The following MTCL2 variants were observed in gnomAD, a reference collection of about 807,000 sequenced individuals.
MTCL2 encodes microtubule cross-linking factor 2.
chr20:36,819,961 C>T, the MTCL2 span, among the ~76,000 whole-genome samples: 1 of 152,130 alleles, frequency 6.6e-6, no homozygotes, highest in African/African-American at 2.4e-5. Flanking sequence ...CCACAAGAGC[C>T]AGGAGGCAGC....
the MTCL2 span, among the ~76,000 whole-genome samples, chr20:36,825,277 T>C: frequency 2.6e-5 from 4 of 152,278 alleles, no homozygotes; most frequent in Admixed American, 2.0e-4. Context: ...AGTTGTATGA[T>C]ATGGGAATTA....
the MTCL2 span, among the ~76,000 whole-genome samples, chr20:36,862,234 C>G: frequency 6.6e-6 from 1 of 152,214 alleles, no homozygotes; most frequent in Non-Finnish European, 1.5e-5. Context: ...CAGGCCTTTC[C>G]TGGGCAGGGG....
chr20:36,806,089 C>A, the MTCL2 span: 2 of 653,242 alleles, frequency 3.1e-6, no homozygotes, highest in South Asian at 4.0e-5. Context: ...GACATCTATT[C>A]TGCCCCAAAG....
the MTCL2 span, among the ~76,000 whole-genome samples, chr20:36,813,767 A>T: frequency 6.6e-6 from 1 of 150,580 alleles, no homozygotes; most frequent in African/African-American, 2.4e-5. Context: ...AAAAAAAAAA[A>T]AAAAAAAAAG....
At chr20:36,797,558 C>T in the MTCL2 span, 18 of 1,556,882 alleles carry the variant, frequency 1.2e-5, no homozygotes, top group Middle Eastern at 1.7e-4. Flanking sequence ...ACCCAGGGGT[C>T]GGCAGCCTTC....
the MTCL2 span, chr20:36,812,678 C>A: frequency 8.3e-4 from 1,337 of 1,611,018 alleles, 7 homozygotes; most frequent in African/African-American, 0.016. Flanking sequence ...CTACCCAATC[C>A]CATGCTTGCT....
chr20:36,853,521 T>C, the MTCL2 span, among the ~76,000 whole-genome samples: 3 of 152,182 alleles, frequency 2.0e-5, no homozygotes, highest in South Asian at 6.2e-4. Flanking sequence ...AGAAAAGCCA[T>C]TATCTCTTGC....
the MTCL2 span, among the ~76,000 whole-genome samples, chr20:36,823,308 A>G: frequency 6.6e-6 from 1 of 152,216 alleles, no homozygotes; most frequent in African/African-American, 2.4e-5. Context: ...GGCAACTGGC[A>G]GCTCTAGACA....
At chr20:36,833,225 T>C in the MTCL2 span, among the ~76,000 whole-genome samples, 26 of 152,272 alleles carry the variant, frequency 1.7e-4, no homozygotes, top group South Asian at 5.4e-3. Flanking sequence ...AATACAAGTA[T>C]TAATAATAAA....
chr20:36,794,316 G>C, the MTCL2 span: 1 of 1,568,080 alleles, frequency 6.4e-7, no homozygotes, highest in Non-Finnish European at 8.6e-7. The surrounding 1 kb of genome is among the most constrained non-coding windows in gnomAD (Gnocchi z 5.4). Flanking sequence ...GCCACCGGGG[G>C]ACTATAGTAG....
chr20:36,821,209 T>C, the MTCL2 span, among the ~76,000 whole-genome samples: 5 of 152,344 alleles, frequency 3.3e-5, 1 homozygote, highest in Admixed American at 3.3e-4. Context: ...TGAGTTTATA[T>C]TACTTTTTTA....
chr20:36,801,856 C>T, the MTCL2 span, among the ~76,000 whole-genome samples: 6 of 150,970 alleles, frequency 4.0e-5, no homozygotes, highest in East Asian at 3.9e-4. Flanking sequence ...CCCAGCTACT[C>T]GGGAGGCTGA....
chr20:36,858,789 CCTTTA>C, the MTCL2 span, among the ~76,000 whole-genome samples: 2 of 152,052 alleles, frequency 1.3e-5, no homozygotes, highest in Admixed American at 6.6e-5. Context: ...GGTTCCATCA[CCTTTA>C]CTTATTTTTT....
At chr20:36,828,362 A>G in the MTCL2 span, among the ~76,000 whole-genome samples, 2 of 152,154 alleles carry the variant, frequency 1.3e-5, no homozygotes, top group Non-Finnish European at 1.5e-5. Flanking sequence ...CTCATCCACA[A>G]AATGGGCATG....
the MTCL2 span, chr20:36,863,171 T>C: frequency 7.5e-7 from 1 of 1,341,290 alleles, no homozygotes; most frequent in Non-Finnish European, 9.6e-7. This position sits in a 1 kb window ranked among gnomAD's most constrained non-coding sequence, Gnocchi z 6.2. Context: ...AGGCGACTGC[T>C]GAGCCCGGGC....
chr20:36,813,558 A>AC, the MTCL2 span, among the ~76,000 whole-genome samples: 1 of 151,300 alleles, frequency 6.6e-6, no homozygotes, highest in African/African-American at 2.4e-5. Context: ...ACATCGTGAA[A>AC]CCCCATCTCT....
the MTCL2 span, among the ~76,000 whole-genome samples, chr20:36,846,624 C>T: frequency 2.0e-5 from 3 of 152,228 alleles, no homozygotes; most frequent in African/African-American, 7.2e-5. Flanking sequence ...TCCAAGTCCC[C>T]TTACCGGGTC....
the MTCL2 span, chr20:36,839,140 A>T: frequency 7.2e-7 from 1 of 1,381,800 alleles, no homozygotes; most frequent in Non-Finnish European, 9.9e-7. The surrounding 1 kb of genome is among the most constrained non-coding windows in gnomAD (Gnocchi z 5.1). Context: ...CACGGAAATG[A>T]GATGCAAGGC....
the MTCL2 span, among the ~76,000 whole-genome samples, chr20:36,860,608 C>T: frequency 3.3e-5 from 5 of 152,314 alleles, no homozygotes; most frequent in East Asian, 3.9e-4. Flanking sequence ...AAACATGTCC[C>T]GTGCCTCTGA....
Sources: gnomAD v4.1 joint callset for allele counts (sites outside exome capture counted in the v4.1 genomes callset) on GRCh38, gnomAD v4.1.1 for gene constraint, Gnocchi (gnomAD v3.1) non-coding constraint, MANE v1.5 for transcripts, NCBI Gene and HGNC (gene_info 2026-07-23, HGNC 2026-07-21) for gene names.